The following LYPD5 variants were observed in gnomAD, a reference collection of about 807,000 sequenced individuals.
LYPD5 encodes the protein LY6/PLAUR domain containing 5.
In LYPD5, 21 loss-of-function variants were observed where a neutral mutation model predicts 19.1. The observed-to-expected ratio is 1.10, with a 90% CI of 0.78 to 1.58. LYPD5 has a LOEUF of 1.58. LYPD5 is among the 40% of genes most tolerant of loss of function. The probability of loss-of-function intolerance (pLI) is 0.00; values close to 1 mark genes in which losing one functional copy is unlikely to be tolerated. For synonymous variants in LYPD5, 128 were observed against 142.7 expected, an observed-to-expected ratio of 0.90 and a Z score of 0.74; for missense variants, 287 against 329.8, an observed-to-expected ratio of 0.87 and a Z score of 1.00.
chr19:43,800,789 C>T (rs937598474), intron 1 of LYPD5, among the ~76,000 whole-genome samples: 4 of 151,596 alleles, frequency 2.6e-5, no homozygotes, highest in Non-Finnish European at 5.9e-5. Flanking sequence ...GGTGAAACCC[C>T]GTTTCTACTA....
chr19:43,812,485 T>C (rs1253925044), intron 1 of LYPD5, among the ~76,000 whole-genome samples: 2 of 152,188 alleles, frequency 1.3e-5, no homozygotes, highest in Non-Finnish European at 2.9e-5. Context: ...GTTGCAGACA[T>C]CTTTTGCTTC....
intron 1 of LYPD5, among the ~76,000 whole-genome samples, chr19:43,809,110 G>C (rs561836455): frequency 1.3e-5 from 2 of 152,030 alleles, no homozygotes; most frequent in African/African-American, 2.4e-5. Context: ...CGTGGTCTCG[G>C]CTCACTGCAA....
chr19:43,798,529 A>T lies in LYPD5; in HGVS notation c.443T>A (p.Ile148Asn). 2.5e-6 allele frequency: 4 copies of T among 1,611,948 alleles called. No individual in the cohort carries two copies. Among genetic ancestry groups the T allele is most frequent in the Non-Finnish European group, 3.4e-6 (4 of 1,180,028 alleles). The change falls in exon 4 of 5, where the codon ATC (isoleucine) becomes AAC (asparagine). Residue 148 changes from isoleucine to asparagine, a missense_variant. Transcript: ENST00000377950. ...CIGVHQDDCA[I>N]GRSRRVQCHQ... ...ACACTGGACTCGTCGGGACCTGCCG[A>T]TAGCGCAGTCATCCTGGTGGACCCC...
intron 2 of LYPD5, 60 bp from the exon 3 acceptor site, chr19:43,799,048 G>C (rs1409682301): frequency 6.7e-7 from 1 of 1,492,524 alleles, no homozygotes; most frequent in Non-Finnish European, 8.9e-7. Flanking sequence ...TCCAGTCTCA[G>C]CGTTCTTCCT....
chr19:43,799,326 C>T (rs1459934060), intron 2 of LYPD5, among the ~76,000 whole-genome samples: 1 of 152,172 alleles, frequency 6.6e-6, no homozygotes. Context: ...TCACTGCAAC[C>T]TCCGCTTCCC....
Position 43,810,625 on chromosome 19 carries a change from G to A in LYPD5, c.-66+9915C>T, listed in dbSNP as rs184075719. Among the ~76,000 whole-genome samples, 453 of 129,870 alleles carry A rather than the reference G, an allele frequency of 3.5e-3. 2 individuals are homozygous for A. Among genetic ancestry groups the A allele is most frequent in the Non-Finnish European group, 5.4e-3 (342 of 63,246 alleles). The allele number at this position is 129,870 out of a possible 152,430, so 85.2% of individuals were successfully genotyped here. On this transcript the variant is annotated intron_variant, in intron 1 of 4. Transcript: ENST00000414615. ...CTTTCCCTTCCCTTCCTTTCTTTCC[G>A]TTTTTCTTTCTTTCTTTCTTTTTTT... is the stretch of plus-strand genomic sequence containing the variant.
At chr19:43,804,898 G>T (rs531971114), upstream of LYPD5, among the ~76,000 whole-genome samples, 1 of 152,174 alleles carries the variant, frequency 6.6e-6, no homozygotes, top group South Asian at 2.1e-4. Flanking sequence ...AGGCTTACAG[G>T]GTAGGCAGAC....
At chr19:43,798,416 A>C in intron 4 of LYPD5, 39 bp downstream of exon 4, 1 of 1,598,420 alleles carries the variant, frequency 6.3e-7, no homozygotes, top group Non-Finnish European at 8.5e-7. Context: ...CTGCCTCCAT[A>C]TCCCTTGCCC....
rs761637505 is a variant in LYPD5 at position 43,799,684 on chromosome 19, T to TC, written c.193+21dup. ...TTTCCTCCCTAATCTCTCATCCCTG[T>TC]CCCCCGGCTCCCGCTCCTTACCGGT... On this transcript the variant is annotated intron_variant, in intron 2 of 4. Coordinates refer to ENST00000377950, the MANE Select transcript of LYPD5 (RefSeq NM_001031749.3). 32 of 1,605,698 alleles carry TC rather than the reference T, an allele frequency of 2.0e-5. No homozygotes were observed. The African/African-American group carries it at 3.5e-4, about 17-fold the overall frequency.
chr19:43,804,776 G>A (rs985878184), upstream of LYPD5, among the ~76,000 whole-genome samples: 2 of 152,278 alleles, frequency 1.3e-5, no homozygotes, highest in East Asian at 3.9e-4. Context: ...GGTTGTGCTC[G>A]GGGGTCTCTG....
rs76910605 is a variant in LYPD5, at chr19:43,801,546, T to G, written c.64+771A>C. 3.7e-3 allele frequency among the ~76,000 whole-genome samples: 567 copies of G among 152,228 alleles called. 5 individuals are homozygous for G. Among genetic ancestry groups the G allele is most frequent in the African/African-American group, 0.013 (542 of 41,528 alleles). On this transcript the variant is annotated intron_variant, in intron 1 of 4. Coordinates refer to ENST00000377950, the MANE Select transcript of LYPD5 (RefSeq NM_001031749.3). The stretch of plus-strand genomic sequence containing the variant: ...AAAACTGAGCATATATACATAGAGA[T>G]AAATATAGGCTTACAAATCACAGAT...
chr19:43,813,267 G>A (rs752223679), intron 1 of LYPD5, among the ~76,000 whole-genome samples: 1 of 152,072 alleles, frequency 6.6e-6, no homozygotes, highest in Non-Finnish European at 1.5e-5. Flanking sequence ...CCACAGTAAT[G>A]AGTTTATGCA....
chr19:43,802,537 A>ATTTTTTTT, upstream of LYPD5: 1 of 614,868 alleles, frequency 1.6e-6, no homozygotes, highest in African/African-American at 1.8e-5. Flanking sequence ...GGTAATCGTG[A>ATTTTTTTT]TGGAAACAGG....
intron 1 of LYPD5, among the ~76,000 whole-genome samples, chr19:43,808,364 C>T (rs1034165763): frequency 6.6e-6 from 1 of 152,160 alleles, no homozygotes. Flanking sequence ...CCTCAGCCTC[C>T]CAAAGCATTG....
chr19:43,809,981 T>C (rs555893828), intron 1 of LYPD5, among the ~76,000 whole-genome samples: 1 of 152,338 alleles, frequency 6.6e-6, no homozygotes, highest in East Asian at 1.9e-4. Flanking sequence ...CAAGACACTT[T>C]ACTGCCATCT....
At chr19:43,804,128 G>A (rs1455123108), upstream of LYPD5, among the ~76,000 whole-genome samples, 1 of 152,150 alleles carries the variant, frequency 6.6e-6, no homozygotes, top group Non-Finnish European at 1.5e-5. Context: ...GTGAGCCACT[G>A]TGCCCGGCCT....
chr19:43,804,537 T>C (rs1467833032), upstream of LYPD5, among the ~76,000 whole-genome samples: 1 of 152,208 alleles, frequency 6.6e-6, no homozygotes, highest in Non-Finnish European at 1.5e-5. Flanking sequence ...CTTTCCCTAT[T>C]GCAATCTCCT....
rs531931772 is a variant in LYPD5 at position 43,798,740 on chromosome 19, G to A, written c.370+72C>T. ...GCGCCAAGAGCAGGCGCCCAGCGGA[G>A]GCCACGCCTTCCCCGAGGCTGCCAG... On this transcript the variant is annotated intron_variant, in intron 3 of 4. Coordinates refer to ENST00000377950, the MANE Select transcript of LYPD5 (RefSeq NM_001031749.3). 5.7e-6 allele frequency: 9 copies of A among 1,569,576 alleles called. No homozygotes were observed. In the Admixed American group the frequency reaches 1.3e-4, roughly 23 times the overall value.
At chr19:43,816,691 A>G (rs1599699464) in intron 1 of LYPD5, among the ~76,000 whole-genome samples, 1 of 152,206 alleles carries the variant, frequency 6.6e-6, no homozygotes, top group Non-Finnish European at 1.5e-5. Flanking sequence ...TGGCCACATA[A>G]TAAGTGATAC....
Sources: gnomAD v4.1 joint callset for allele counts (sites outside exome capture counted in the v4.1 genomes callset) on GRCh38, gnomAD v4.1.1 for gene constraint, MANE v1.5 for transcripts, NCBI Gene and HGNC (gene_info 2026-07-23, HGNC 2026-07-21) for gene names.